IGFN1: variants seen among roughly 807,000 people sequenced by gnomAD.
IGFN1 encodes immunoglobulin like and fibronectin type III domain containing 1, also known as immunoglobulin-like and fibronectin type III domain-containing protein 1.
IGFN1 carries 253 observed loss-of-function variants against 289.5 expected under a neutral mutation model. The ratio of observed to expected loss-of-function variants is 0.87; its 90% CI spans 0.79 to 0.97. IGFN1 has a LOEUF of 0.97. IGFN1 is among the 50% of genes least tolerant of loss of function. IGFN1 has a pLI of 0.00. For missense variants in IGFN1, 4,470 were observed against 4,686.1 expected (o/e 0.95, Z 1.35); for synonymous variants, 1,706 against 1,788.5 (o/e 0.95, Z 1.16).
At position 201,213,133 on chromosome 1, in the gene IGFN1, G is replaced by T; in HGVS notation, c.8240G>T (p.Arg2747Ile). 6.4e-7 allele frequency: 1 copy of T among 1,551,648 alleles called. No individual in the cohort carries two copies. Among genetic ancestry groups the T allele is most frequent in the Middle Eastern group, 1.7e-4 (1 of 5,988 alleles). Residue 2747 changes from arginine to isoleucine, a missense_variant, in exon 12 of 24, where the codon AGA becomes ATA. By Grantham distance (97) the Arg-to-Ile change is moderately conservative. Around this residue, in one of 8 missense-constraint regions of IGFN1, gnomAD observed 2,218 missense variants for 2,114.1 expected, o/e 1.05. Transcript: ENST00000335211. ...AWNGLDGPFG[R>I]KASRDRSGGT... is the part of the protein sequence containing the mutation. ...AATGGCTTAGATGGTCCCTTTGGCA[G>T]AAAAGCCTCTAGAGATAGGTCAGGA...
Position 201,221,590 on chromosome 1 carries a change from C to T in IGFN1, c.10045C>T (p.Leu3349Phe), listed in dbSNP as rs765034011. Residue 3349 changes from leucine to phenylalanine, a missense_variant, in exon 19 of 24, where the codon CTC becomes TTC. By Grantham distance (22) the Leu-to-Phe change is conservative. Transcript: ENST00000335211. The part of the protein sequence containing the change: ...ELCSSDSLQW[L>F]PCHVGTVPVT... Reference sequence around the variant, plus strand: ...GTGCAGCTCAGACAGTCTCCAGTGGCTCCCGTGCCATGTGGGCACCGTGCC... The same window carrying T: ...GTGCAGCTCAGACAGTCTCCAGTGGTTCCCGTGCCATGTGGGCACCGTGCC... The T allele has an allele frequency of 6.8e-6, 11 of 1,614,206 alleles. No individual in the cohort carries two copies. In the South Asian group the frequency reaches 1.2e-4, roughly 18 times the overall value.
chr1:201,208,091 C>T lies in IGFN1; in HGVS notation c.3198C>T (p.Asp1066=). The change falls in exon 12 of 24, where the codon GAC becomes GAT. Residue 1066 remains aspartate (D), a synonymous_variant. Coordinates refer to ENST00000335211, the MANE Select transcript of IGFN1 (RefSeq NM_001164586.2). ...CCTCTGCATGCCAGGCAGGCATGGA[C>T]CCTAGGGGAGGGCACCATTCAGATG... ...NWASACQAGM[D]PRGGHHSDGG... The T allele has an allele frequency of 6.5e-7, 1 of 1,536,856 alleles. No individual in the cohort carries two copies. The highest frequency in any genetic ancestry group is 2.0e-5 in the Admixed American group (1 of 50,978).
rs146256261 is a variant in IGFN1 at position 201,225,973 on chromosome 1, G to C, written c.10636G>C (p.Glu3546Gln). 3 of 1,576,502 alleles carry C rather than the reference G, an allele frequency of 1.9e-6. No individual in the cohort carries two copies. The East Asian group carries it at 6.9e-5, about 36-fold the overall frequency. Residue 3546 changes from glutamate to glutamine, a missense_variant, in exon 22 of 24, where the codon GAG becomes CAG. Glu to Gln is a conservative substitution (Grantham distance 29, BLOSUM62 2). Transcript: ENST00000335211. ...TRSSAHGPWH[E>Q]AADRIHTNRF... ...CTCCTCAGCGCACGGTCCCTGGCAC[G>C]AGGCAGCCGACCGCATCCACACCAA...
In IGFN1 at chr1:201,207,781, G is replaced by C; in HGVS notation, c.2888G>C (p.Arg963Thr). 1 of 1,536,410 alleles carries C rather than the reference G, an allele frequency of 6.5e-7. No individual in the cohort carries two copies. Among genetic ancestry groups the C allele is most frequent in the Non-Finnish European group, 8.7e-7 (1 of 1,146,574 alleles). ...SRYEGGLGYS[R>T]EISSKSGAGY... The stretch of plus-strand genomic sequence containing the variant: ...TACGAGGGTGGCTTAGGATATTCTA[G>C]GGAAATAAGCTCTAAAAGCGGGGCT... Residue 963 changes from arginine to threonine, a missense_variant, in exon 12 of 24, where the codon AGG (arginine) becomes ACG (threonine). This residue lies in a region of IGFN1 where 2,011 missense variants were observed against 1,953.4 expected (regional missense o/e 1.03). Transcript: ENST00000335211.
At position 201,213,442 on chromosome 1, in the gene IGFN1, G is replaced by T. The variant is rs1306129126; in HGVS notation, c.8549G>T (p.Trp2850Leu). The change falls in exon 12 of 24, where the codon TGG (tryptophan) becomes TTG (leucine). Residue 2850 changes from tryptophan (W) to leucine (L), a missense_variant. Transcript: ENST00000335211. ...SMGWQPMGENWGCLEEMLNED... is the reference protein window; with the variant it reads ...SMGWQPMGENLGCLEEMLNED... Reference sequence around the variant, plus strand: ...GGGTGGCAGCCTATGGGAGAGAACTGGGGGTGCCTGGAGGAGATGCTGAAT... The same window carrying T: ...GGGTGGCAGCCTATGGGAGAGAACTTGGGGTGCCTGGAGGAGATGCTGAAT... The T allele has an allele frequency of 6.2e-7, 1 of 1,614,036 alleles. No homozygotes were observed. Among genetic ancestry groups the T allele is most frequent in the East Asian group, 2.2e-5 (1 of 44,866 alleles).
chr1:201,194,421 G>A, intron 3 of IGFN1, 148 bp downstream of exon 3: 2 of 839,320 alleles, frequency 2.4e-6, no homozygotes, highest in South Asian at 1.8e-5. Flanking sequence ...TCCTTGAGGG[G>A]GTATGTGCTT....
chr1:201,208,339 G>T lies in IGFN1; in HGVS notation c.3446G>T (p.Gly1149Val). The change falls in exon 12 of 24, where the codon GGA (glycine) becomes GTA (valine). Residue 1149 changes from glycine to valine, a missense_variant. Coordinates refer to ENST00000335211, the MANE Select transcript of IGFN1 (RefSeq NM_001164586.2). ...TATGAAGATGGCTCTGGGGGTCCAG[G>T]AGCCATGGGACCAGGGTCTCTGAGG... is the stretch of plus-strand genomic sequence containing the variant. ...GGYEDGSGGP[G>V]AMGPGSLRAG... is the part of the protein sequence containing the mutation. The T allele has an allele frequency of 6.7e-7, 1 of 1,487,394 alleles. No homozygotes were observed. Among genetic ancestry groups the T allele is most frequent in the Non-Finnish European group, 8.9e-7 (1 of 1,128,814 alleles). 92.1% of individuals were successfully genotyped at this position (1,487,394 alleles called of 1,614,324 possible).
Position 201,193,264 on chromosome 1 carries a change from C to T in IGFN1, c.-30C>T. On this transcript the variant is annotated 5_prime_UTR_variant, in exon 2 of 24. Transcript: ENST00000335211. ...GTTCTCAGGGTAATAGAACTTCTACCCTCAGAGGAGTCAAAGAGGAGGCAG... is the reference window on the plus strand; with the variant it reads ...GTTCTCAGGGTAATAGAACTTCTACTCTCAGAGGAGTCAAAGAGGAGGCAG... The T allele has an allele frequency of 1.3e-6, 2 of 1,517,326 alleles. No homozygotes were observed. The highest frequency in any genetic ancestry group is 2.4e-5 in the East Asian group (1 of 40,826). 94.0% of individuals were successfully genotyped at this position (1,517,326 alleles called of 1,614,324 possible). A position where few individuals can be genotyped will look rare whatever the true frequency, so the allele number is the denominator to read the frequency against.
chr1:201,213,433 G>A lies in IGFN1; in HGVS notation c.8540G>A (p.Gly2847Glu), dbSNP rs150540064. 66 of 1,614,046 alleles carry A rather than the reference G, an allele frequency of 4.1e-5. No individual in the cohort carries two copies. In the East Asian group the frequency reaches 1.4e-3, roughly 35 times the overall value. The change falls in exon 12 of 24, where the codon GGA becomes GAA. Residue 2847 changes from glycine (G) to glutamate (E), a missense_variant. Transcript: ENST00000335211. ...EAGSMGWQPM[G>E]ENWGCLEEML... ...GGAAGCATGGGGTGGCAGCCTATGG[G>A]AGAGAACTGGGGGTGCCTGGAGGAG... is the stretch of plus-strand genomic sequence containing the variant.
chr1:201,224,768 G>A lies in IGFN1; in HGVS notation c.10380G>A (p.Gln3460=). ...CTGTCACTAAGGATGGCCTCACCCA[G>A]CTTCTGATCCCTGTGGCTGGACTCT... ...SVTVTKDGLT[Q]LLIPVAGLSD... is the part of the protein sequence containing the mutation. The change falls in exon 21 of 24, where the codon CAG becomes CAA. Residue 3460 remains glutamine (Q), a synonymous_variant. Coordinates refer to ENST00000335211, the MANE Select transcript of IGFN1 (RefSeq NM_001164586.2). 4 of 1,614,190 alleles carry A rather than the reference G, an allele frequency of 2.5e-6. No individual in the cohort carries two copies. The highest frequency in any genetic ancestry group is 3.4e-6 in the Non-Finnish European group (4 of 1,180,022).
At chr1:201,226,797 T>C in intron 22 of IGFN1, 85 bp from the exon 23 acceptor site, 1 of 1,066,748 alleles carries the variant, frequency 9.4e-7, no homozygotes, top group South Asian at 1.5e-5. Context: ...CATGGTAGCT[T>C]CATGAACTCT....
At chr1:201,217,606 T>G (rs1653407472) in intron 17 of IGFN1, 146 bp downstream of exon 17, 1 of 778,184 alleles carries the variant, frequency 1.3e-6, no homozygotes, top group Non-Finnish European at 2.0e-6. Context: ...GTGGTCACAA[T>G]GGGGTGGAGG....
At position 201,190,879 on chromosome 1, in the gene IGFN1, A is replaced by G. The variant is rs952392525; in HGVS notation, c.-76A>G. ...TGGAAACGGGGAAGAGGGAGCAGAC[A>G]GGAAGCGGGAGGTCAGCTGTACACC... On this transcript the variant is annotated 5_prime_UTR_variant, in exon 1 of 24. Transcript: ENST00000335211. 1.3e-5 allele frequency: 2 copies of G among 152,640 alleles called. No individual in the cohort carries two copies. The highest frequency in any genetic ancestry group is 2.4e-5 in the African/African-American group (1 of 41,448). 9.5% of individuals were successfully genotyped at this position (152,640 alleles called of 1,614,324 possible). A position where few individuals can be genotyped will look rare whatever the true frequency, so the allele number is the denominator to read the frequency against.
At position 201,207,283 on chromosome 1, in the gene IGFN1, A is replaced by G. The variant is rs1667472373; in HGVS notation, c.2390A>G (p.Gln797Arg). 6.5e-7 allele frequency: 1 copy of G among 1,536,732 alleles called. No homozygotes were observed. Among genetic ancestry groups the G allele is most frequent in the Non-Finnish European group, 8.7e-7 (1 of 1,146,904 alleles). The part of the protein sequence containing the change: ...VLQELRGRDG[Q>R]ETAWASGEVE... ...CAGGAGCTCAGGGGAAGGGATGGCC[A>G]GGAAACAGCTTGGGCCTCGGGTGAG... Residue 797 changes from glutamine (Q) to arginine (R), a missense_variant, in exon 12 of 24, where the codon CAG becomes CGG. Coordinates refer to ENST00000335211, the MANE Select transcript of IGFN1 (RefSeq NM_001164586.2).
chr1:201,190,886 G>T lies in IGFN1; in HGVS notation c.-69G>T. On this transcript the variant is annotated 5_prime_UTR_variant, in exon 1 of 24. Transcript: ENST00000335211. ...GGGGAAGAGGGAGCAGACAGGAAGC[G>T]GGAGGTCAGCTGTACACCCAGGTAA... 6.5e-6 allele frequency: 1 copy of T among 152,720 alleles called. No homozygotes were observed. The allele number at this position is 152,720 out of a possible 1,614,324, so 9.5% of individuals were successfully genotyped here. A position where few individuals can be genotyped will look rare whatever the true frequency, so the allele number is the denominator to read the frequency against.
intron 16 of IGFN1, 87 bp downstream of exon 16, chr1:201,216,840 T>G (rs538591409): frequency 2.6e-6 from 3 of 1,146,346 alleles, no homozygotes; most frequent in Non-Finnish European, 3.7e-6. Flanking sequence ...AGAGGCTGAG[T>G]GACACCAGCC....
chr1:201,205,421 G>A, intron 11 of IGFN1, 67 bp downstream of exon 11: 6 of 1,429,764 alleles, frequency 4.2e-6, no homozygotes, highest in South Asian at 1.4e-5. Context: ...GAGGCATGAG[G>A]AAGGCGAGGC....
chr1:201,208,799 C>A lies in IGFN1; in HGVS notation c.3906C>A (p.Ser1302Arg). ...LGAPENMGSGSKADYRDGVGG... is the reference protein window; with the variant it reads ...LGAPENMGSGRKADYRDGVGG... ...CTCCTGAGAATATGGGTTCGGGGAG[C>A]AAGGCAGATTATAGGGATGGTGTAG... Residue 1302 changes from serine to arginine, a missense_variant, in exon 12 of 24, where the codon AGC (serine) becomes AGA (arginine). Ser to Arg is a moderately radical substitution (Grantham distance 110). Around this residue, in one of 8 missense-constraint regions of IGFN1, gnomAD observed 2,011 missense variants for 1,953.4 expected, o/e 1.03. Coordinates refer to ENST00000335211, the MANE Select transcript of IGFN1 (RefSeq NM_001164586.2). The A allele has an allele frequency of 6.5e-7, 1 of 1,535,816 alleles. No homozygotes were observed. The highest frequency in any genetic ancestry group is 8.7e-7 in the Non-Finnish European group (1 of 1,146,384).
chr1:201,210,639 G>A lies in IGFN1; in HGVS notation c.5746G>A (p.Val1916Ile), dbSNP rs774169309. 9.2e-5 allele frequency: 136 copies of A among 1,471,718 alleles called. No individual in the cohort carries two copies. Among genetic ancestry groups the A allele is most frequent in the Non-Finnish European group, 1.0e-4 (116 of 1,111,224 alleles). The allele number at this position is 1,471,718 out of a possible 1,614,324, so 91.2% of individuals were successfully genotyped here. A position where few individuals can be genotyped will look rare whatever the true frequency, so the allele number is the denominator to read the frequency against. ...TTTTAGGGATGGTTTAGGGAGTTCT[G>A]TAGAAATGGGGTCAGTGAATGAGGC... Reference protein sequence around the residue: ...AGFRDGLGSSVEMGSVNEAGY... With the variant: ...AGFRDGLGSSIEMGSVNEAGY... Residue 1916 changes from valine to isoleucine, a missense_variant, in exon 12 of 24, where the codon GTA becomes ATA. Physicochemically the swap from Val to Ile is conservative, Grantham distance 29 (BLOSUM62 3). This residue lies in a region of IGFN1 where 108 missense variants were observed against 128.7 expected (regional missense o/e 0.84). Coordinates refer to ENST00000335211, the MANE Select transcript of IGFN1 (RefSeq NM_001164586.2).
Sources: allele counts gnomAD v4.1 joint callset, GRCh38; gene constraint gnomAD v4.1.1; regional missense constraint gnomAD v4.1.1; transcripts MANE v1.5; gene names NCBI Gene and HGNC (gene_info 2026-07-23, HGNC 2026-07-21).